Variants in RORA observed in about 807,000 individuals in gnomAD.
The protein encoded by RORA is nuclear receptor ROR-alpha.
Under a neutral mutation model 69.5 loss-of-function variants are expected in RORA, and 7 were observed. That is an observed-to-expected ratio of 0.10 (90% CI 0.06 to 0.19). The LOEUF is 0.19. Among genes scored for constraint, RORA ranks in the 10% least tolerant of loss-of-function variants. The pLI, the probability that RORA is intolerant of heterozygous loss-of-function variation, is 1.00. For missense variants in RORA, 457 were observed against 663.0 expected, an observed-to-expected ratio of 0.69 and a Z score of 3.41; for synonymous variants, 261 against 240.8, an observed-to-expected ratio of 1.08 and a Z score of -0.78.
intron 3 of RORA, among the ~76,000 whole-genome samples, chr15:60,526,738 G>C (rs575368890): frequency 1.3e-5 from 2 of 152,184 alleles, no homozygotes; most frequent in Non-Finnish European, 2.9e-5. Context: ...GAGCATGAAT[G>C]TATCAATGGT....
At chr15:61,104,918 C>T (rs139912206) in intron 1 of RORA, among the ~76,000 whole-genome samples, 19 of 152,106 alleles carry the variant, frequency 1.2e-4, no homozygotes, top group African/African-American at 4.3e-4. Flanking sequence ...GGGGAAATCC[C>T]TTTCACTTGG....
chr15:60,755,945 G>A (rs1276607886), intron 1 of RORA, among the ~76,000 whole-genome samples: 1 of 152,158 alleles, frequency 6.6e-6, no homozygotes, highest in Non-Finnish European at 1.5e-5. Context: ...TATCTGCAAA[G>A]TGTCTGTGCT....
At chr15:60,943,668 C>T (rs554410275) in intron 1 of RORA, among the ~76,000 whole-genome samples, 1 of 151,934 alleles carries the variant, frequency 6.6e-6, no homozygotes, top group East Asian at 1.9e-4. Context: ...GTAATCCCAG[C>T]ACTTTGGGAG....
intron 2 of RORA, among the ~76,000 whole-genome samples, chr15:60,608,289 A>G (rs2068999506): frequency 6.6e-6 from 1 of 152,224 alleles, no homozygotes; most frequent in Non-Finnish European, 1.5e-5. Flanking sequence ...TTTTTGTATT[A>G]AAGTCACCGT....
chr15:61,194,119 A>G (rs1376086507), intron 1 of RORA: 1 of 152,244 alleles, frequency 6.6e-6, no homozygotes, highest in Non-Finnish European at 1.5e-5. Flanking sequence ...AAATTGCTTC[A>G]AGTTCTAGAG....
At chr15:61,042,036 G>A (rs372209683) in intron 1 of RORA, among the ~76,000 whole-genome samples, 6 of 152,088 alleles carry the variant, frequency 3.9e-5, no homozygotes, top group South Asian at 2.1e-4. Flanking sequence ...TCAGACCCTC[G>A]TCTCTTAACT....
At chr15:60,675,344 A>T (rs560841683) in intron 2 of RORA, among the ~76,000 whole-genome samples, 54 of 152,342 alleles carry the variant, frequency 3.5e-4, no homozygotes, top group South Asian at 2.1e-3. Flanking sequence ...CATGTGCTAT[A>T]TAATCCCCAG....
At chr15:60,502,892 G>T in intron 7 of RORA, 25 bp from the exon 8 acceptor site, 1 of 1,424,564 alleles carries the variant, frequency 7.0e-7, no homozygotes, top group African/African-American at 1.4e-5. Flanking sequence ...AAATGGTTTG[G>T]GTCATTTGGG....
At chr15:60,946,320 C>G (rs879773213) in intron 1 of RORA, among the ~76,000 whole-genome samples, 2 of 152,118 alleles carry the variant, frequency 1.3e-5, no homozygotes, top group South Asian at 2.1e-4. Context: ...GATGACGAGC[C>G]GAAGCGGGAC....
chr15:61,216,625 G>C (rs2080043143), intron 1 of RORA, among the ~76,000 whole-genome samples: 1 of 152,146 alleles, frequency 6.6e-6, no homozygotes, highest in South Asian at 2.1e-4. Context: ...CCCAGCCTCA[G>C]TGCCTGGATG....
chr15:61,108,166 A>G (rs1275185209), intron 1 of RORA, among the ~76,000 whole-genome samples: 1 of 152,158 alleles, frequency 6.6e-6, no homozygotes, highest in Non-Finnish European at 1.5e-5. Flanking sequence ...AGGTTCTTGA[A>G]ATTTCTTCCT....
intron 1 of RORA, among the ~76,000 whole-genome samples, chr15:60,962,047 C>T (rs1893429841): frequency 6.6e-6 from 1 of 152,206 alleles, no homozygotes; most frequent in East Asian, 1.9e-4. Flanking sequence ...GTGCTGTTTT[C>T]TTCTTACTGT....
chr15:61,067,709 C>G (rs139665142), intron 1 of RORA, among the ~76,000 whole-genome samples: 106 of 152,318 alleles, frequency 7.0e-4, no homozygotes, highest in African/African-American at 2.5e-3. Flanking sequence ...GTACAACATG[C>G]TGTCACCCTC....
intron 2 of RORA, among the ~76,000 whole-genome samples, chr15:60,599,822 C>A (rs2068775274): frequency 6.6e-6 from 1 of 152,210 alleles, no homozygotes; most frequent in Non-Finnish European, 1.5e-5. Context: ...GAAAATAAAT[C>A]TCTTTGCAGC....
At chr15:60,532,111 T>A (rs2066542401) in intron 2 of RORA, among the ~76,000 whole-genome samples, 1 of 152,182 alleles carries the variant, frequency 6.6e-6, no homozygotes, top group Non-Finnish European at 1.5e-5. Context: ...GGAATCAGCA[T>A]TTCAAAGCCT....
intron 2 of RORA, among the ~76,000 whole-genome samples, chr15:60,548,370 G>A (rs2067134875): frequency 6.6e-6 from 1 of 152,106 alleles, no homozygotes; most frequent in East Asian, 1.9e-4. Context: ...TTTCCCCGCC[G>A]AGACCATGAC....
At chr15:60,736,097 G>A (rs2071494903) in intron 1 of RORA, among the ~76,000 whole-genome samples, 1 of 152,156 alleles carries the variant, frequency 6.6e-6, no homozygotes, top group African/African-American at 2.4e-5. Flanking sequence ...TCTAGGGGAG[G>A]GGCTGAACAG....
intron 2 of RORA, among the ~76,000 whole-genome samples, chr15:60,582,886 C>T (rs1426056746): frequency 2.0e-5 from 3 of 152,162 alleles, no homozygotes; most frequent in African/African-American, 7.2e-5. Flanking sequence ...AGGCCATAAG[C>T]ATTTCTAAAC....
chr15:60,955,884 G>A (rs976745220), intron 1 of RORA, among the ~76,000 whole-genome samples: 3 of 152,132 alleles, frequency 2.0e-5, no homozygotes, highest in Admixed American at 6.5e-5. Context: ...CTTTATAGAC[G>A]TATATTCTGC....
Sources: allele counts gnomAD v4.1 joint callset (sites outside exome capture counted in the v4.1 genomes callset), GRCh38; gene constraint gnomAD v4.1.1; transcripts MANE v1.5; gene names NCBI Gene and HGNC (gene_info 2026-07-23, HGNC 2026-07-21).